The following DLG2 variants were observed in gnomAD, a reference collection of about 807,000 sequenced individuals.
DLG2 encodes discs large MAGUK scaffold protein 2, also known as disks large homolog 2.
Under a neutral mutation model 132.5 loss-of-function variants are expected in DLG2, and 45 were observed. The ratio of observed to expected loss-of-function variants is 0.34; its 90% CI spans 0.27 to 0.44. The LOEUF (loss-of-function observed/expected upper bound fraction) is 0.44, where lower values mean the gene tolerates loss of function less well. Among genes scored for constraint, DLG2 ranks in the 20% least tolerant of loss-of-function variants. The pLI is 1.00. For synonymous variants in DLG2, 424 were observed against 419.6 expected (o/e 1.01, Z -0.13); for missense variants, 1,045 against 1,196.9 (o/e 0.87, Z 1.87).
chr11:85,540,470 G>A (rs761606298), intron 3 of DLG2, among the ~76,000 whole-genome samples: 1 of 152,062 alleles, frequency 6.6e-6, no homozygotes, highest in Non-Finnish European at 1.5e-5. Context: ...CAAACTCCAG[G>A]GAAACACCAC....
In DLG2 at chr11:83,720,386, C is replaced by G. The variant is rs147376996; in HGVS notation, c.1825+66304G>C. On this transcript the variant is annotated intron_variant, in intron 18 of 27. Transcript: ENST00000376104. The stretch of plus-strand genomic sequence containing the variant: ...TGAGAAGCTAAAACCATTTCTGTTT[C>G]TCAAGCTTTTCCACTACAAAAGGTA... Among the ~76,000 whole-genome samples, 136 of 139,162 alleles carry G rather than the reference C, an allele frequency of 9.8e-4. 1 individual carries two copies. The South Asian group carries it at 0.01, about 10-fold the overall frequency. 91.3% of individuals were successfully genotyped at this position (139,162 alleles called of 152,430 possible).
Position 83,469,367 on chromosome 11 carries a change from G to A in DLG2, c.2453C>T (p.Thr818Met), listed in dbSNP as rs2091673474. 4 of 1,607,684 alleles carry A rather than the reference G, an allele frequency of 2.5e-6. No homozygotes were observed. Among genetic ancestry groups the A allele is most frequent in the South Asian group, 1.1e-5 (1 of 89,744 alleles). Residue 818 changes from threonine to methionine, a missense_variant, in exon 25 of 28, where the codon ACG becomes ATG. By Grantham distance (81) the Thr-to-Met change is moderately conservative. This residue lies in a region of DLG2 where 398 missense variants were observed against 543.6 expected (regional missense o/e 0.73). Transcript: ENST00000376104. ...DKFGSCVPHT[T>M]RPKRDYEVDG... The stretch of plus-strand genomic sequence containing the variant: ...CACCTCGTAGTCTCGCTTTGGCCTC[G>A]TAGTATCTTTATAAAACAAAAAATG...
chr11:85,177,127 A>G (rs1056422119), intron 4 of DLG2, among the ~76,000 whole-genome samples: 1 of 152,122 alleles, frequency 6.6e-6, no homozygotes, highest in Non-Finnish European at 1.5e-5. Context: ...AGGAATATAA[A>G]TCATTCTATT....
At chr11:85,326,507 A>G (rs1441830298) in intron 3 of DLG2, among the ~76,000 whole-genome samples, 1 of 103,378 alleles carries the variant, frequency 9.7e-6, no homozygotes, top group Non-Finnish European at 1.9e-5. Context: ...CCAGAATTTC[A>G]TATCCAGCCA....
intron 6 of DLG2, among the ~76,000 whole-genome samples, chr11:84,886,071 C>T (rs1325280093): frequency 6.6e-6 from 1 of 152,038 alleles, no homozygotes; most frequent in East Asian, 1.9e-4. Flanking sequence ...GACTCACAAA[C>T]ACAAAAATCC....
chr11:84,992,070 T>C lies in DLG2; in HGVS notation c.357+119591A>G, dbSNP rs2057179297. Among the ~76,000 whole-genome samples the C allele has an allele frequency of 5.9e-5, 9 of 152,300 alleles. No individual in the cohort carries two copies. The South Asian group carries it at 1.9e-3, about 32-fold the overall frequency. ...GCCTTTCCACATGCTGCTCTCTCTC[T>C]CTCTGGAGTGTTTCTTTCTCTCCTT... On this transcript the variant is annotated intron_variant, in intron 6 of 27. Transcript: ENST00000376104.
At chr11:83,825,867 CCATT>C (rs1320519541) in intron 17 of DLG2, among the ~76,000 whole-genome samples, 9 of 152,272 alleles carry the variant, frequency 5.9e-5, no homozygotes, top group South Asian at 2.1e-4. Context: ...GGCACTACGG[CCATT>C]CATTGTGTGG....
At chr11:84,031,844 C>A (rs1305556599) in intron 11 of DLG2, among the ~76,000 whole-genome samples, 3 of 152,142 alleles carry the variant, frequency 2.0e-5, no homozygotes, top group Non-Finnish European at 4.4e-5. Flanking sequence ...ATTTTTCCAA[C>A]AGTGTGTGTT....
At chr11:83,548,445 A>G (rs1459162544) in intron 19 of DLG2, among the ~76,000 whole-genome samples, 3 of 152,128 alleles carry the variant, frequency 2.0e-5, no homozygotes, top group East Asian at 1.9e-4. Flanking sequence ...CACGGCAGTA[A>G]TGTAAAGCTA....
At chr11:85,115,014 C>G (rs1009105922) in intron 5 of DLG2, among the ~76,000 whole-genome samples, 1 of 151,788 alleles carries the variant, frequency 6.6e-6, no homozygotes, top group Non-Finnish European at 1.5e-5. Context: ...CTTTTGAAAG[C>G]AGAGTAAGAG....
intron 8 of DLG2, among the ~76,000 whole-genome samples, chr11:84,227,695 G>A (rs2097022923): frequency 6.6e-6 from 1 of 151,996 alleles, no homozygotes; most frequent in South Asian, 2.1e-4. Context: ...GCCAATGTAG[G>A]CGGATCACAA....
In DLG2 at chr11:85,106,085, G is replaced by A. The variant is rs138679539; in HGVS notation, c.357+5576C>T. ...TTAGACTGAATGATCCTGAATGTGGGTAATGTGAGGCAGTCTGGGAGAGCA... is the reference window on the plus strand; with the variant it reads ...TTAGACTGAATGATCCTGAATGTGGATAATGTGAGGCAGTCTGGGAGAGCA... On this transcript the variant is annotated intron_variant, in intron 6 of 27. Coordinates refer to ENST00000376104, the MANE Select transcript of DLG2 (RefSeq NM_001142699.3). 8.6e-5 allele frequency among the ~76,000 whole-genome samples: 13 copies of A among 151,988 alleles called. No homozygotes were observed. In the East Asian group the frequency reaches 2.5e-3, roughly 29 times the overall value.
intron 19 of DLG2, among the ~76,000 whole-genome samples, chr11:83,587,652 T>C (rs1383881139): frequency 1.3e-5 from 2 of 152,174 alleles, no homozygotes; most frequent in African/African-American, 4.8e-5. Flanking sequence ...TAGAGAGGAA[T>C]AGGAACAGCT....
At chr11:83,472,621 C>T in intron 23 of DLG2, 106 bp downstream of exon 23, 1 of 939,466 alleles carries the variant, frequency 1.1e-6, no homozygotes, top group Admixed American at 2.2e-5. Flanking sequence ...GACAACAGAG[C>T]ATTAAGCCGA....
intron 7 of DLG2, among the ~76,000 whole-genome samples, chr11:84,522,710 A>G (rs2099308025): frequency 5.9e-5 from 9 of 152,346 alleles, no homozygotes; most frequent in Admixed American, 5.9e-4. Flanking sequence ...ATAAGATTAC[A>G]TAAGTTTCCT....
At chr11:84,304,600 TG>T (rs1407672476) in intron 7 of DLG2, among the ~76,000 whole-genome samples, 2 of 152,204 alleles carry the variant, frequency 1.3e-5, no homozygotes, top group Non-Finnish European at 2.9e-5. Context: ...TATTCAACTC[TG>T]CCATTGCAGC....
At chr11:83,970,581 C>T (rs1400805485) in intron 12 of DLG2, among the ~76,000 whole-genome samples, 1 of 152,178 alleles carries the variant, frequency 6.6e-6, no homozygotes, top group Non-Finnish European at 1.5e-5. Context: ...CATACTGAAG[C>T]TTAGACCCTG....
intron 3 of DLG2, among the ~76,000 whole-genome samples, chr11:85,589,215 G>A (rs1437767616): frequency 2.0e-5 from 3 of 152,186 alleles, no homozygotes; most frequent in African/African-American, 2.4e-5. Flanking sequence ...ATGTTGCAGG[G>A]CACACGGAAT....
At chr11:85,363,373 G>A (rs187558296) in intron 3 of DLG2, among the ~76,000 whole-genome samples, 94 of 152,270 alleles carry the variant, frequency 6.2e-4, no homozygotes, top group African/African-American at 2.1e-3. Flanking sequence ...AAGGAAAGGA[G>A]GCTTGAACAG....
Sources: allele counts gnomAD v4.1 joint callset (sites outside exome capture counted in the v4.1 genomes callset), GRCh38; gene constraint gnomAD v4.1.1; regional missense constraint gnomAD v4.1.1; transcripts MANE v1.5; gene names NCBI Gene and HGNC (gene_info 2026-07-23, HGNC 2026-07-21).